Variants in NBEA observed in about 807,000 individuals in gnomAD.
NBEA encodes the protein neurobeachin.
NBEA carries 44 observed loss-of-function variants against 343.4 expected under a neutral mutation model. That is an observed-to-expected ratio of 0.13 (90% CI 0.10 to 0.16). The LOEUF (loss-of-function observed/expected upper bound fraction) is 0.16. Among genes scored for constraint, NBEA ranks in the 10% least tolerant of loss-of-function variants. The pLI, the probability that NBEA is intolerant of heterozygous loss-of-function variation, is 1.00. For missense variants in NBEA, 2,555 were observed against 3,631.3 expected (o/e 0.70, Z 7.62); for synonymous variants, 1,175 against 1,238.7 (o/e 0.95, Z 1.08).
chr13:35,627,914 ATT>A (rs2083296178), intron 48 of NBEA, among the ~76,000 whole-genome samples, 165 bp from the exon 49 acceptor site: 1 of 151,994 alleles, frequency 6.6e-6, no homozygotes, highest in Non-Finnish European at 1.5e-5. Flanking sequence ...CTGAGGTAGT[ATT>A]TTTCCATTTC....
intron 32 of NBEA, among the ~76,000 whole-genome samples, chr13:35,209,829 A>C (rs1052040127): frequency 6.6e-6 from 1 of 152,114 alleles, no homozygotes; most frequent in Non-Finnish European, 1.5e-5. Flanking sequence ...AATGTACTCT[A>C]TTAAGAATAT....
intron 45 of NBEA, 76 bp from the exon 46 acceptor site, chr13:35,583,822 C>T (rs1315442343): frequency 5.6e-6 from 6 of 1,076,406 alleles, no homozygotes; most frequent in Non-Finnish European, 8.0e-6. Context: ...CAGTGAAATA[C>T]TGAAAGTATA....
rs75000033 is a variant in NBEA, at chr13:34,967,013, C to G, written c.294+23899C>G. Among the ~76,000 whole-genome samples the G allele has an allele frequency of 6.6e-3, 957 of 144,682 alleles. 12 individuals are homozygous for G. The highest frequency in any genetic ancestry group is 0.023 in the African/African-American group (916 of 39,056). The allele number at this position is 144,682 out of a possible 152,430, so 94.9% of individuals were successfully genotyped here. A position where few individuals can be genotyped will look rare whatever the true frequency, so the allele number is the denominator to read the frequency against. On this transcript the variant is annotated intron_variant, in intron 1 of 58. Transcript: ENST00000379939. ...TTTCTTGATGAAGGAAGCAGAATGT[C>G]GATTCATATTTTACTTCTATCTCCT... is the stretch of plus-strand genomic sequence containing the variant.
chr13:35,587,611 A>G (rs1353619324), intron 46 of NBEA, among the ~76,000 whole-genome samples: 1 of 152,180 alleles, frequency 6.6e-6, no homozygotes, highest in East Asian at 1.9e-4. Flanking sequence ...TGAAATACAT[A>G]AAGTGGTATT....
chr13:35,596,118 A>ATGTG (rs145947109), intron 47 of NBEA, among the ~76,000 whole-genome samples: 2 of 151,010 alleles, frequency 1.3e-5, no homozygotes, highest in East Asian at 3.9e-4. Flanking sequence ...GTGTGTGTGT[A>ATGTG]TGTGTGTGTG....
intron 17 of NBEA, among the ~76,000 whole-genome samples, chr13:35,139,700 G>A (rs1260004368): frequency 2.8e-5 from 4 of 142,460 alleles, no homozygotes; most frequent in Non-Finnish European, 4.5e-5. Flanking sequence ...ATCATGTGAT[G>A]TACAGGGCCA....
At chr13:35,468,940 A>T (rs973660630) in intron 40 of NBEA, among the ~76,000 whole-genome samples, 1 of 151,882 alleles carries the variant, frequency 6.6e-6, no homozygotes, top group Non-Finnish European at 1.5e-5. Context: ...CTCTACTAAA[A>T]ATACAAAAAT....
At chr13:35,418,315 T>C (rs2044064093) in intron 38 of NBEA, among the ~76,000 whole-genome samples, 1 of 152,040 alleles carries the variant, frequency 6.6e-6, no homozygotes, top group African/African-American at 2.4e-5. Flanking sequence ...TTTTCTATAG[T>C]GACTCATTTG....
At chr13:35,263,699 T>C (rs1253358129) in intron 34 of NBEA, among the ~76,000 whole-genome samples, 1 of 151,732 alleles carries the variant, frequency 6.6e-6, no homozygotes, top group African/African-American at 2.4e-5. Flanking sequence ...AAAGAAGATA[T>C]TAAAAGAAAA....
At chr13:35,224,792 T>A (rs946153613) in intron 33 of NBEA, among the ~76,000 whole-genome samples, 2 of 152,144 alleles carry the variant, frequency 1.3e-5, no homozygotes, top group Non-Finnish European at 2.9e-5. Context: ...GTTTGTTTCT[T>A]CATGTGTAAG....
intron 41 of NBEA, among the ~76,000 whole-genome samples, chr13:35,505,842 CAGAA>C (rs560814973): frequency 1.2e-3 from 190 of 152,078 alleles, no homozygotes; most frequent in Non-Finnish European, 2.5e-3. Context: ...GATTTAAAGA[CAGAA>C]AGCATTCTAC....
At chr13:35,399,981 C>T (rs920386788) in intron 38 of NBEA, among the ~76,000 whole-genome samples, 1 of 150,864 alleles carries the variant, frequency 6.6e-6, no homozygotes, top group Non-Finnish European at 1.5e-5. Flanking sequence ...TTAAATTTAC[C>T]AACTTATATG....
intron 1 of NBEA, among the ~76,000 whole-genome samples, chr13:34,999,690 T>C (rs2061059698): frequency 6.6e-6 from 1 of 152,072 alleles, no homozygotes; most frequent in Non-Finnish European, 1.5e-5. Context: ...GCCTTATGGG[T>C]TTGAATTCAT....
intron 10 of NBEA, among the ~76,000 whole-genome samples, chr13:35,088,473 C>T (rs1355718398): frequency 1.3e-5 from 2 of 151,788 alleles, no homozygotes; most frequent in South Asian, 2.1e-4. Context: ...ACTATATGGT[C>T]TGGGGGTATC....
intron 38 of NBEA, among the ~76,000 whole-genome samples, chr13:35,410,540 G>T (rs1293049902): frequency 3.3e-5 from 5 of 151,852 alleles, no homozygotes; most frequent in African/African-American, 1.2e-4. Context: ...GACTTCAAAA[G>T]GTTCACAGAA....
At chr13:35,522,313 C>T (rs2077756299) in intron 41 of NBEA, among the ~76,000 whole-genome samples, 2 of 151,250 alleles carry the variant, frequency 1.3e-5, no homozygotes, top group African/African-American at 4.9e-5. Flanking sequence ...ACTAAAAATA[C>T]AAAAATTAGC....
rs767797416 is a variant in NBEA, at chr13:35,118,609, G to T, written c.2243+135G>T. Reference sequence around the variant, plus strand: ...CATAAGAGAATAAATGGAGAATGCTGCTATTGATCCTCGAATACTCAGGAA... The same window carrying T: ...CATAAGAGAATAAATGGAGAATGCTTCTATTGATCCTCGAATACTCAGGAA... On this transcript the variant is annotated intron_variant, in intron 16 of 58. Transcript: ENST00000379939. The T allele has an allele frequency of 5.3e-5, 34 of 638,282 alleles. 1 individual carries two copies. In the South Asian group the frequency reaches 6.3e-4, roughly 12 times the overall value. The allele number at this position is 638,282 out of a possible 1,614,324, so 39.5% of individuals were successfully genotyped here.
At chr13:35,337,738 C>T (rs895613341) in intron 36 of NBEA, among the ~76,000 whole-genome samples, 2 of 152,026 alleles carry the variant, frequency 1.3e-5, no homozygotes, top group Non-Finnish European at 2.9e-5. Flanking sequence ...AAACAATTCT[C>T]AGTAAGTTTA....
intron 35 of NBEA, among the ~76,000 whole-genome samples, chr13:35,293,955 C>A (rs1407879421): frequency 6.8e-6 from 1 of 147,024 alleles, no homozygotes; most frequent in African/African-American, 2.6e-5. Context: ...TAAATGCTTT[C>A]TGACTGGAGG....
Sources: gnomAD v4.1 joint callset for allele counts (sites outside exome capture counted in the v4.1 genomes callset) on GRCh38, gnomAD v4.1.1 for gene constraint, MANE v1.5 for transcripts, NCBI Gene and HGNC (gene_info 2026-07-23, HGNC 2026-07-21) for gene names.